The following PHEX variants were observed in gnomAD, a reference collection of about 807,000 sequenced individuals.
PHEX encodes phosphate-regulating neutral endopeptidase PHEX.
Under a neutral mutation model 68.0 loss-of-function variants are expected in PHEX, and 16 were observed. The observed-to-expected ratio is 0.24, with a 90% confidence interval of 0.16 to 0.36. The LOEUF (loss-of-function observed/expected upper bound fraction) is 0.36. PHEX is among the 10% of genes least tolerant of loss of function. PHEX has a pLI of 1.00. For synonymous variants in PHEX, 208 were observed against 205.1 expected, an observed-to-expected ratio of 1.01 and a Z score of -0.12; for missense variants, 480 against 575.5, an observed-to-expected ratio of 0.83 and a Z score of 1.70.
At chrX:22,235,762 C>T (rs1233381023) in intron 20 of PHEX, among the ~76,000 whole-genome samples, 2 of 109,614 alleles carry the variant, frequency 1.8e-5, no homozygotes, top group Non-Finnish European at 3.8e-5. Context: ...CATATATAGG[C>T]ATAATCTTAA....
chrX:22,128,645 A>G (rs1931842168), intron 11 of PHEX, among the ~76,000 whole-genome samples: 1 of 111,835 alleles, frequency 8.9e-6, no homozygotes, highest in Admixed American at 9.5e-5. Context: ...AATTTATTTT[A>G]AAACCTAATA....
At chrX:22,237,874 A>C (rs1484960973) in intron 20 of PHEX, among the ~76,000 whole-genome samples, 1 of 112,605 alleles carries the variant, frequency 8.9e-6, no homozygotes, top group Non-Finnish European at 1.9e-5. Flanking sequence ...TCATATGGCA[A>C]GTCAGGATTA....
intron 3 of PHEX, among the ~76,000 whole-genome samples, chrX:22,070,267 C>A (rs1928839383): frequency 9.0e-6 from 1 of 111,707 alleles, no homozygotes; most frequent in African/African-American, 3.3e-5. Flanking sequence ...TTTAATTTTT[C>A]ATGTTCTTTT....
chrX:22,211,074 T>C (rs1055737397), intron 15 of PHEX, among the ~76,000 whole-genome samples: 2 of 111,865 alleles, frequency 1.8e-5, no homozygotes. Context: ...CTCTCTCTTT[T>C]TGGTTATGAT....
In PHEX at chrX:22,249,250, T is replaced by C. The variant is rs1198192098; in HGVS notation, c.*1297T>C. On this transcript the variant is annotated 3_prime_UTR_variant, in exon 22 of 22. Transcript: ENST00000379374. ...GTGTGTGTGTGTGTGTAGGATAAAATTGTAATGGCCTTAAAGTTGTTACCT... is the reference window on the plus strand; with the variant it reads ...GTGTGTGTGTGTGTGTAGGATAAAACTGTAATGGCCTTAAAGTTGTTACCT... 9.9e-6 allele frequency: 1 copy of C among 100,928 alleles called. No individual in the cohort carries two copies. Among genetic ancestry groups the C allele is most frequent in the Non-Finnish European group, 2.0e-5 (1 of 50,678 alleles). The allele number at this position is 100,928 out of a possible 1,213,427, so 8.3% of individuals were successfully genotyped here.
At chrX:22,033,622 C>T (rs1268519628) in intron 1 of PHEX, among the ~76,000 whole-genome samples, 1 of 112,034 alleles carries the variant, frequency 8.9e-6, no homozygotes, top group Non-Finnish European at 1.9e-5. Flanking sequence ...TTCTTCAATT[C>T]CTTTCTTATC....
intron 13 of PHEX, among the ~76,000 whole-genome samples, chrX:22,175,163 G>T (rs978312525): frequency 1.8e-5 from 2 of 111,849 alleles, no homozygotes; most frequent in African/African-American, 6.5e-5. Context: ...GGCTAAGAAA[G>T]AAGAAATATT....
At chrX:22,176,400 AAAATATATATATAT>A (rs1432991675) in intron 13 of PHEX, among the ~76,000 whole-genome samples, 22 of 62,524 alleles carry the variant, frequency 3.5e-4, no homozygotes, top group African/African-American at 1.9e-3. Flanking sequence ...AAAAAAAAAA[AAAATATATATATAT>A]ATATATATAT....
At chrX:22,173,033 G>A (rs1459538983) in intron 13 of PHEX, 1 of 110,932 alleles carries the variant, frequency 9.0e-6, no homozygotes, top group Non-Finnish European at 1.9e-5. Context: ...TAGTGTGTGT[G>A]TGTGTGTGTG....
At chrX:22,044,402 T>C (rs1005704416) in intron 2 of PHEX, among the ~76,000 whole-genome samples, 19 of 111,487 alleles carry the variant, frequency 1.7e-4, no homozygotes, top group African/African-American at 5.5e-4. Flanking sequence ...GCACATTAAA[T>C]ATTAATGATA....
chrX:22,080,745 G>A (rs1012417686), intron 5 of PHEX, among the ~76,000 whole-genome samples: 2 of 111,599 alleles, frequency 1.8e-5, no homozygotes, highest in African/African-American at 6.5e-5. Flanking sequence ...AAAATAATAG[G>A]CTTTGGTATT....
At chrX:22,100,996 AC>A (rs1930395766) in intron 9 of PHEX, among the ~76,000 whole-genome samples, 1 of 109,964 alleles carries the variant, frequency 9.1e-6, no homozygotes, top group African/African-American at 3.3e-5. Flanking sequence ...ACATGGTGAA[AC>A]CCCGTCTCTA....
chrX:22,216,560 C>A (rs1361180827), intron 16 of PHEX, among the ~76,000 whole-genome samples: 1 of 109,376 alleles, frequency 9.1e-6, no homozygotes, highest in African/African-American at 3.3e-5. Flanking sequence ...GCTCTTGTTG[C>A]CCAGGCTGGA....
chrX:22,233,620 A>G (rs1055898359), intron 20 of PHEX, among the ~76,000 whole-genome samples: 3 of 110,701 alleles, frequency 2.7e-5, no homozygotes, highest in Admixed American at 1.9e-4. Flanking sequence ...ATACTTGTGT[A>G]TGCTTCACAA....
intron 15 of PHEX, among the ~76,000 whole-genome samples, chrX:22,208,342 G>A (rs66748901): frequency 0.15 from 16,274 of 111,391 alleles, 1,337 homozygotes; most frequent in African/African-American, 0.31. Context: ...GTATTTATAT[G>A]TCTATATCTG....
chrX:22,233,059 C>CTTAGT (rs1935823878), intron 20 of PHEX, among the ~76,000 whole-genome samples: 1 of 111,440 alleles, frequency 9.0e-6, no homozygotes, highest in African/African-American at 3.3e-5. Context: ...GCTTATGAAG[C>CTTAGT]TTAGTTTGGC....
At chrX:22,118,032 C>T (rs1026845714) in intron 11 of PHEX, among the ~76,000 whole-genome samples, 1 of 111,032 alleles carries the variant, frequency 9.0e-6, no homozygotes, top group Non-Finnish European at 1.9e-5. Flanking sequence ...TCCAGAGACC[C>T]TAACTCAGAT....
intron 3 of PHEX, among the ~76,000 whole-genome samples, chrX:22,072,731 G>A (rs1444212265): frequency 8.9e-6 from 1 of 111,938 alleles, no homozygotes; most frequent in Non-Finnish European, 1.9e-5. Flanking sequence ...TAATTTTCTT[G>A]CTTGGGGTTA....
intron 12 of PHEX, among the ~76,000 whole-genome samples, chrX:22,166,803 C>A (rs1261193681): frequency 1.8e-5 from 2 of 111,104 alleles, no homozygotes; most frequent in Non-Finnish European, 3.8e-5. Flanking sequence ...CCCCTGGTAA[C>A]CACCATCCTA....
Sources: allele counts gnomAD v4.1 joint callset (sites outside exome capture counted in the v4.1 genomes callset), GRCh38; gene constraint gnomAD v4.1.1; transcripts MANE v1.5; gene names NCBI Gene and HGNC (gene_info 2026-07-23, HGNC 2026-07-21).